CCDC88C: variants seen among roughly 807,000 people sequenced by gnomAD.
CCDC88C encodes coiled-coil and HOOK domain protein 88C.
In CCDC88C, 131 loss-of-function variants were observed where a neutral mutation model predicts 198.8. The observed-to-expected ratio is 0.66, with a 90% CI of 0.57 to 0.76. The LOEUF is 0.76. Ranked by LOEUF, CCDC88C falls within the 30% of genes least tolerant of loss-of-function variation. The probability of loss-of-function intolerance (pLI) is 0.00; values close to 1 mark genes in which losing one functional copy is unlikely to be tolerated. For synonymous variants in CCDC88C, 1,166 were observed against 1,114.7 expected, an observed-to-expected ratio of 1.05 and a Z score of -0.92; for missense variants, 2,553 against 2,631.6, an observed-to-expected ratio of 0.97 and a Z score of 0.65.
Position 91,313,262 on chromosome 14 carries a change from C to G in CCDC88C, c.2554G>C (p.Asp852His), listed in dbSNP as rs777136693. 26 of 1,613,902 alleles carry G rather than the reference C, an allele frequency of 1.6e-5. No homozygotes were observed. The highest frequency in any genetic ancestry group is 3.3e-4 in the Middle Eastern group (2 of 6,084). Residue 852 changes from aspartate (D) to histidine (H), a missense_variant, in exon 15 of 30, where the codon GAT becomes CAT. Asp to His is a moderately conservative substitution (Grantham distance 81). Coordinates refer to ENST00000389857, the MANE Select transcript of CCDC88C (RefSeq NM_001080414.4). This position sits in a 1 kb window ranked among gnomAD's most constrained non-coding sequence, Gnocchi z 5.2. The stretch of plus-strand genomic sequence containing the variant: ...GCAGTGCTATCGTCCAAGACTGCAT[C>G]CTTGAGCTCCACCTGCTGCCACAGC... ...KRLWQQVELKDAVLDDSTAKL... is the reference protein window; with the variant it reads ...KRLWQQVELKHAVLDDSTAKL...
Position 91,371,136 on chromosome 14 carries a change from C to T in CCDC88C, c.271-11425G>A, listed in dbSNP as rs1894777079. Reference sequence around the variant, plus strand: ...TCCTCTGTCCCTAAGTCCACCCCTCCTGGCTAAAACGACAGCATCGGTGCT... The same window carrying T: ...TCCTCTGTCCCTAAGTCCACCCCTCTTGGCTAAAACGACAGCATCGGTGCT... On this transcript the variant is annotated intron_variant, in intron 3 of 29. Coordinates refer to ENST00000389857, the MANE Select transcript of CCDC88C (RefSeq NM_001080414.4). This position sits in a 1 kb window ranked among gnomAD's most constrained non-coding sequence, Gnocchi z 4.2. Among the ~76,000 whole-genome samples, 1 of 152,158 alleles carries T rather than the reference C, an allele frequency of 6.6e-6. No homozygotes were observed. Among genetic ancestry groups the T allele is most frequent in the Non-Finnish European group, 1.5e-5 (1 of 68,040 alleles).
At chr14:91,408,195 C>CT (rs968765379) in intron 3 of CCDC88C, 1 of 165,174 alleles carries the variant, frequency 6.1e-6, no homozygotes, top group Non-Finnish European at 1.3e-5. Context: ...CTCCTGCTTG[C>CT]AGCTAGAGGT....
intron 3 of CCDC88C, among the ~76,000 whole-genome samples, chr14:91,380,448 T>C (rs893923886): frequency 1.3e-5 from 2 of 152,168 alleles, no homozygotes; most frequent in African/African-American, 4.8e-5. Context: ...CTATACACTT[T>C]AAAAACATTT....
At chr14:91,304,001 C>CAGATT in intron 19 of CCDC88C, 23 bp from the exon 20 acceptor site, 1 of 1,589,838 alleles carries the variant, frequency 6.3e-7, no homozygotes, top group South Asian at 1.1e-5. Flanking sequence ...AGAAGCGCGG[C>CAGATT]GTGGCGCAGG....
rs1265799084 is a variant in CCDC88C at position 91,342,366 on chromosome 14, G to T, written c.483+14C>A. 15 of 1,554,642 alleles carry T rather than the reference G, an allele frequency of 9.6e-6. No homozygotes were observed. The highest frequency in any genetic ancestry group is 1.3e-5 in the Non-Finnish European group (15 of 1,140,560). On this transcript the variant is annotated intron_variant, in intron 6 of 29. Transcript: ENST00000389857. ...CAGTCCACAGCTGAGCCCACCACGA[G>T]GCCACGCACCTACCTCCTGGATATG...
rs577640587 is a variant in CCDC88C, at chr14:91,364,499, T to C, written c.271-4788A>G. Among the ~76,000 whole-genome samples, 10 of 152,100 alleles carry C rather than the reference T, an allele frequency of 6.6e-5. No homozygotes were observed. In the East Asian group the frequency reaches 1.7e-3, roughly 26 times the overall value. On this transcript the variant is annotated intron_variant, in intron 3 of 29. Transcript: ENST00000389857. ...CAGGGGCCACTGGTGTCCCTAGGGG[T>C]TGGGGGAGAGCAAGGCTGAAAAGCG...
At chr14:91,355,277 AG>A (rs1893993875) in intron 4 of CCDC88C, among the ~76,000 whole-genome samples, 2 of 152,146 alleles carry the variant, frequency 1.3e-5, no homozygotes. Context: ...CACGGGTAAG[AG>A]GGAAGGATAA....
At position 91,408,597 on chromosome 14, in the gene CCDC88C, C is replaced by T. The variant is rs920529784; in HGVS notation, c.270+62G>A. 7 of 1,068,806 alleles carry T rather than the reference C, an allele frequency of 6.5e-6. No individual in the cohort carries two copies. In the African/African-American group the frequency reaches 9.3e-5, roughly 14 times the overall value. The allele number at this position is 1,068,806 out of a possible 1,614,324, so 66.2% of individuals were successfully genotyped here. On this transcript the variant is annotated intron_variant, in intron 3 of 29. Transcript: ENST00000389857. ...TTCCTCCCGGCCTCCTGTGGGAAAA[C>T]CGTGACAGTGACGATACTGATGGAC...
intron 3 of CCDC88C, among the ~76,000 whole-genome samples, chr14:91,375,146 C>T (rs950898464): frequency 1.3e-5 from 2 of 152,146 alleles, no homozygotes; most frequent in Non-Finnish European, 2.9e-5. Context: ...GTGATCTGGG[C>T]GGTCTCGCTC....
intron 3 of CCDC88C, chr14:91,378,497 A>C (rs1409632213): frequency 6.6e-6 from 1 of 152,572 alleles, no homozygotes; most frequent in Non-Finnish European, 1.5e-5. Context: ...TCACAATGTA[A>C]TAACCACCTG....
Position 91,284,094 on chromosome 14 carries a change from C to G in CCDC88C, c.4442-577G>C, listed in dbSNP as rs577849492. 6.6e-6 allele frequency among the ~76,000 whole-genome samples: 1 copy of G among 152,314 alleles called. No homozygotes were observed. The highest frequency in any genetic ancestry group is 1.9e-4 in the East Asian group (1 of 5,192). ...TTTTCTGAAATCTCTAACTTTTCTA[C>G]CATGAACATAAACTCTGGTCAAAAT... On this transcript the variant is annotated intron_variant, in intron 25 of 29. Coordinates refer to ENST00000389857, the MANE Select transcript of CCDC88C (RefSeq NM_001080414.4). The surrounding 1 kb of genome is among the most constrained non-coding windows in gnomAD (Gnocchi z 4.1).
At chr14:91,332,541 A>G (rs922483466) in intron 10 of CCDC88C, among the ~76,000 whole-genome samples, 6 of 152,134 alleles carry the variant, frequency 3.9e-5, no homozygotes, top group Admixed American at 2.6e-4. Context: ...GTCCTCCCAC[A>G]TGGCAGGATG....
intron 25 of CCDC88C, among the ~76,000 whole-genome samples, chr14:91,287,107 T>C (rs1012740915): frequency 3.3e-5 from 5 of 152,204 alleles, no homozygotes; most frequent in African/African-American, 7.2e-5. Flanking sequence ...AGACTGATTA[T>C]AGTTAATTAA....
At chr14:91,386,172 G>A (rs187698646) in intron 3 of CCDC88C, among the ~76,000 whole-genome samples, 12 of 152,034 alleles carry the variant, frequency 7.9e-5, no homozygotes, top group Non-Finnish European at 1.2e-4. Context: ...GGCCGGGCGC[G>A]GTGGCTCACG....
chr14:91,330,376 C>T (rs144487692), intron 10 of CCDC88C, among the ~76,000 whole-genome samples: 81 of 152,150 alleles, frequency 5.3e-4, no homozygotes, highest in African/African-American at 1.6e-3. Flanking sequence ...GAGTGGCAGA[C>T]GAGGGTACGG....
chr14:91,398,073 C>T (rs1167959969), intron 3 of CCDC88C, among the ~76,000 whole-genome samples: 1 of 152,128 alleles, frequency 6.6e-6, no homozygotes, highest in African/African-American at 2.4e-5. Flanking sequence ...GCTCTAAAGC[C>T]CCCAGCATGG....
At chr14:91,294,478 G>A (rs1397469975) in intron 22 of CCDC88C, among the ~76,000 whole-genome samples, 160 bp from the exon 23 acceptor site, 1 of 152,202 alleles carries the variant, frequency 6.6e-6, no homozygotes, top group Non-Finnish European at 1.5e-5. Flanking sequence ...CCAATAACGT[G>A]GGAATGGCTG....
Position 91,417,670 on chromosome 14 carries a change from C to T in CCDC88C, c.21G>A (p.Glu7=), listed in dbSNP as rs201389077. The part of the protein sequence containing the change: MDVTVS[E]LLELFLQSPL... ...GGCTCTGCAGGAAGAGCTCCAGGAG[C>T]TCCGAGACTGTCACGTCCATGCTGA... The change falls in exon 1 of 30, where the codon GAG becomes GAA. Residue 7 remains glutamate (E), a synonymous_variant. Coordinates refer to ENST00000389857, the MANE Select transcript of CCDC88C (RefSeq NM_001080414.4). 356 of 1,583,390 alleles carry T rather than the reference C, an allele frequency of 2.2e-4. 3 individuals carry two copies. The African/African-American group carries it at 4.5e-3, about 20-fold the overall frequency.
chr14:91,293,535 ACGGCCCACC>A (rs1890838769), intron 23 of CCDC88C, among the ~76,000 whole-genome samples: 2 of 79,114 alleles, frequency 2.5e-5, no homozygotes, highest in African/African-American at 7.7e-5. Context: ...CTCACCTGCC[ACGGCCCACC>A]TTCCTGTCCC....
Sources: gnomAD v4.1 joint callset for allele counts (sites outside exome capture counted in the v4.1 genomes callset) on GRCh38, gnomAD v4.1.1 for gene constraint, Gnocchi (gnomAD v3.1) non-coding constraint, MANE v1.5 for transcripts, NCBI Gene and HGNC (gene_info 2026-07-23, HGNC 2026-07-21) for gene names.